The following ADGRG4 variants were observed in gnomAD, a reference collection of about 807,000 sequenced individuals.
ADGRG4 encodes adhesion G protein-coupled receptor G4, also known as G protein-coupled receptor 112.
A neutral mutation model predicts 126.2 loss-of-function variants in ADGRG4; 122 were observed. The observed-to-expected ratio is 0.97, with a 90% CI of 0.83 to 1.12. The LOEUF is 1.12. ADGRG4 is among the 50% of genes most tolerant of loss of function. The pLI is 0.00. For missense variants in ADGRG4, 2,481 were observed against 2,251.8 expected, an observed-to-expected ratio of 1.10 and a Z score of -2.06; for synonymous variants, 943 against 838.7, an observed-to-expected ratio of 1.12 and a Z score of -2.15.
intron 20 of ADGRG4, 90 bp from the exon 21 acceptor site, chrX:136,399,758 T>C: frequency 1.3e-6 from 1 of 788,914 alleles, no homozygotes; most frequent in Middle Eastern, 4.6e-4. Flanking sequence ...TCTTTTATTC[T>C]TTCACTTATT....
At chrX:136,338,161 CTT>C (rs370805966) in intron 5 of ADGRG4, among the ~76,000 whole-genome samples, 3 of 93,426 alleles carry the variant, frequency 3.2e-5, no homozygotes, top group Non-Finnish European at 2.2e-5. Context: ...CACTTGGTTC[CTT>C]TTTTTTTTTT....
rs1184343263 is a variant in ADGRG4, at chrX:136,377,167, CTTT to C, written c.7776+4125_7776+4127del. On this transcript the variant is annotated intron_variant, in intron 15 of 25. Transcript: ENST00000394143. ...GTTTTTCACTTTCTTGTTTTCTTTC[CTTT>C]TTTTTTTTTTTTTTTTTTTTTGTTG... 1.1e-3 allele frequency among the ~76,000 whole-genome samples: 54 copies of C among 48,619 alleles called. No homozygotes were observed. In the East Asian group the frequency reaches 0.021, roughly 19 times the overall value. 42.2% of individuals were successfully genotyped at this position (48,619 alleles called of 115,157 possible). A position where few individuals can be genotyped will look rare whatever the true frequency, so the allele number is the denominator to read the frequency against.
chrX:136,372,889 T>C lies in ADGRG4; in HGVS notation c.7614-13T>C, dbSNP rs376632781. 6.6e-4 allele frequency: 799 copies of C among 1,207,931 alleles called. No individual in the cohort carries two copies. Among genetic ancestry groups the C allele is most frequent in the Non-Finnish European group, 8.3e-4 (739 of 893,120 alleles). ...AAGGTAGGATGCTCTTCTCCATCTGTGGTTTCTTGCAGAATTCTGAGGATA... is the reference window on the plus strand; with the variant it reads ...AAGGTAGGATGCTCTTCTCCATCTGCGGTTTCTTGCAGAATTCTGAGGATA... On this transcript the variant is annotated splice_polypyrimidine_tract_variant and intron_variant, in intron 14 of 25. Coordinates refer to ENST00000394143, the MANE Select transcript of ADGRG4 (RefSeq NM_153834.4).
At position 136,308,909 on chromosome X, in the gene ADGRG4, A is replaced by G. The variant is rs1366454301; in HGVS notation, c.70+62A>G. On this transcript the variant is annotated intron_variant, in intron 4 of 25. Transcript: ENST00000394143. ...TCATGTATAGTAGGTTATAGAAATA[A>G]ACCATTTGAAAAATACTACCAATGG... 3 of 705,399 alleles carry G rather than the reference A, an allele frequency of 4.3e-6. No individual in the cohort carries two copies. In the African/African-American group the frequency reaches 6.4e-5, roughly 15 times the overall value. 58.1% of individuals were successfully genotyped at this position (705,399 alleles called of 1,213,427 possible). A position where few individuals can be genotyped will look rare whatever the true frequency, so the allele number is the denominator to read the frequency against.
chrX:136,344,524 G>T lies in ADGRG4; in HGVS notation c.818G>T (p.Ser273Ile). 1 of 1,207,120 alleles carries T rather than the reference G, an allele frequency of 8.3e-7. No homozygotes were observed. Among genetic ancestry groups the T allele is most frequent in the Non-Finnish European group, 1.1e-6 (1 of 891,719 alleles). Reference sequence around the variant, plus strand: ...CATTCCTCTACACTATTGTCTCAAAGCATACCTATATTTGCAACTGATTAC... The same window carrying T: ...CATTCCTCTACACTATTGTCTCAAATCATACCTATATTTGCAACTGATTAC... ...TAHSSTLLSQ[S>I]IPIFATDYTT... The change falls in exon 6 of 26, where the codon AGC becomes ATC. Residue 273 changes from serine (S) to isoleucine (I), a missense_variant. Coordinates refer to ENST00000394143, the MANE Select transcript of ADGRG4 (RefSeq NM_153834.4).
rs781665689 is a variant in ADGRG4, at chrX:136,346,727, C to G, written c.3021C>G (p.Thr1007=). 1.7e-6 allele frequency: 2 copies of G among 1,210,074 alleles called. No individual in the cohort carries two copies. Among genetic ancestry groups the G allele is most frequent in the Admixed American group, 2.2e-5 (1 of 45,972 alleles). The change falls in exon 6 of 26, where the codon ACC becomes ACG. Residue 1007 remains threonine, a synonymous_variant. Coordinates refer to ENST00000394143, the MANE Select transcript of ADGRG4 (RefSeq NM_153834.4). Reference sequence around the variant, plus strand: ...CTACAGCTGCTCATTCCTCAGCAACCCCTGTGCCTGTTACTCATATGTTCT... The same window carrying G: ...CTACAGCTGCTCATTCCTCAGCAACGCCTGTGCCTGTTACTCATATGTTCT... ...PQPTAAHSSA[T]PVPVTHMFSL...
intron 16 of ADGRG4, among the ~76,000 whole-genome samples, chrX:136,388,516 G>A (rs1028035452): frequency 4.5e-5 from 5 of 112,114 alleles, no homozygotes; most frequent in Admixed American, 3.8e-4. Context: ...GTAGTATAGG[G>A]TAATAAGAAT....
intron 5 of ADGRG4, among the ~76,000 whole-genome samples, chrX:136,331,318 T>C (rs756016977): frequency 8.9e-6 from 1 of 112,616 alleles, no homozygotes; most frequent in Admixed American, 9.4e-5. Flanking sequence ...TGAGTGCAGA[T>C]ATCTCTTTGA....
chrX:136,403,153 C>T (rs980681825), intron 21 of ADGRG4, 91 bp from the exon 22 acceptor site: 15 of 630,660 alleles, frequency 2.4e-5, no homozygotes, highest in Non-Finnish European at 4.0e-5. Context: ...CTTATTTAAA[C>T]AGTGTCTTAA....
rs372666567 is a variant in ADGRG4, at chrX:136,399,805, A to G, written c.8307-43A>G. ...ATGTGGCGATGTTTAATTAAAAAAA[A>G]AAAAACAGACTTTACCTAACAACAT... On this transcript the variant is annotated intron_variant, in intron 20 of 25. Coordinates refer to ENST00000394143, the MANE Select transcript of ADGRG4 (RefSeq NM_153834.4). 24 of 1,128,529 alleles carry G rather than the reference A, an allele frequency of 2.1e-5. No homozygotes were observed. In the African/African-American group the frequency reaches 3.3e-4, roughly 16 times the overall value. The allele number at this position is 1,128,529 out of a possible 1,213,427, so 93.0% of individuals were successfully genotyped here. A position where few individuals can be genotyped will look rare whatever the true frequency, so the allele number is the denominator to read the frequency against.
intron 5 of ADGRG4, among the ~76,000 whole-genome samples, chrX:136,332,054 T>A (rs747321165): frequency 2.6e-3 from 282 of 109,521 alleles, no homozygotes; most frequent in African/African-American, 7.6e-3. Context: ...GTGCACATTG[T>A]GCAGGTTAGT....
At chrX:136,414,767 G>A (rs1241870508) in intron 25 of ADGRG4, among the ~76,000 whole-genome samples, 2 of 112,000 alleles carry the variant, frequency 1.8e-5, no homozygotes, top group Non-Finnish European at 3.8e-5. Flanking sequence ...AGTAGAACTG[G>A]GGCCAGTCAC....
intron 7 of ADGRG4, among the ~76,000 whole-genome samples, chrX:136,352,021 A>T (rs1016940486): frequency 5.4e-5 from 6 of 111,954 alleles, no homozygotes; most frequent in African/African-American, 1.9e-4. Flanking sequence ...AAAATCAGAC[A>T]TTGACATCAA....
chrX:136,302,235 T>G (rs770795753), intron 1 of ADGRG4, among the ~76,000 whole-genome samples: 1 of 112,181 alleles, frequency 8.9e-6, no homozygotes, highest in African/African-American at 3.2e-5. Flanking sequence ...TTCTTCCATT[T>G]GTTTGTGTCC....
chrX:136,309,637 AT>A (rs1471270481), intron 4 of ADGRG4, among the ~76,000 whole-genome samples: 2 of 112,027 alleles, frequency 1.8e-5, no homozygotes, highest in African/African-American at 6.5e-5. Context: ...ATACCAAATC[AT>A]CATTGCCATC....
Position 136,361,520 on chromosome X carries a change from A to ACCAAC in ADGRG4, c.7213_7217dup (p.Glu2408LeufsTer10), listed in dbSNP as rs1468426674. 3.4e-6 allele frequency: 4 copies of ACCAAC among 1,188,455 alleles called. No individual in the cohort carries two copies. The highest frequency in any genetic ancestry group is 4.5e-6 in the Non-Finnish European group (4 of 881,814). Reference sequence around the variant, plus strand: ...CAAAGGGACCTATAAGTGGCTATTAACCAACCCTACGGAGACAGCCCAAAC... The same window carrying ACCAAC: ...CAAAGGGACCTATAAGTGGCTATTAACCAACCCAACCCTACGGAGACAGCCCAAAC... On this transcript the variant is annotated frameshift_variant, in exon 12 of 26. Coordinates refer to ENST00000394143, the MANE Select transcript of ADGRG4 (RefSeq NM_153834.4). LOFTEE classifies it high-confidence loss of function.
chrX:136,402,657 T>G (rs958723290), intron 21 of ADGRG4, among the ~76,000 whole-genome samples: 2 of 111,896 alleles, frequency 1.8e-5, no homozygotes, highest in Non-Finnish European at 3.8e-5. Flanking sequence ...TTAAACCCTG[T>G]GTCTACACTC....
intron 13 of ADGRG4, among the ~76,000 whole-genome samples, chrX:136,367,426 G>A (rs1036836109): frequency 8.9e-6 from 1 of 112,462 alleles, no homozygotes; most frequent in Admixed American, 9.4e-5. Flanking sequence ...ACTGACCTCC[G>A]TCCTTCTGAG....
In ADGRG4 at chrX:136,348,447, A is replaced by G; in HGVS notation, c.4741A>G (p.Thr1581Ala). Residue 1581 changes from threonine to alanine, a missense_variant, in exon 6 of 26, where the codon ACT (threonine) becomes GCT (alanine). Thr to Ala is a moderately conservative substitution (Grantham distance 58). Coordinates refer to ENST00000394143, the MANE Select transcript of ADGRG4 (RefSeq NM_153834.4). ...AFTPATVSSD[T>A]STRVGLFSTL... ...CACACCTGCAACAGTCTCTTCTGAC[A>G]CTTCCACAAGAGTTGGGTTATTCTC... The G allele has an allele frequency of 2.5e-6, 3 of 1,209,457 alleles. No individual in the cohort carries two copies. The highest frequency in any genetic ancestry group is 5.9e-5 in the East Asian group (2 of 33,795).
Sources: allele counts gnomAD v4.1 joint callset (sites outside exome capture counted in the v4.1 genomes callset), GRCh38; gene constraint gnomAD v4.1.1; transcripts MANE v1.5; gene names NCBI Gene and HGNC (gene_info 2026-07-23, HGNC 2026-07-21).